The following KCNH7 variants were observed in gnomAD, a reference collection of about 807,000 sequenced individuals.
KCNH7 encodes voltage-gated inwardly rectifying potassium channel KCNH7.
Under a neutral mutation model 120.8 loss-of-function variants are expected in KCNH7, and 49 were observed. The ratio of observed to expected loss-of-function variants is 0.41; its 90% confidence interval spans 0.32 to 0.51. The LOEUF is 0.51. Among genes scored for constraint, KCNH7 ranks in the 20% least tolerant of loss-of-function variants. KCNH7 has a pLI of 0.38. For synonymous variants in KCNH7, 547 were observed against 516.1 expected, an observed-to-expected ratio of 1.06 and a Z score of -0.81; for missense variants, 1,097 against 1,446.6, an observed-to-expected ratio of 0.76 and a Z score of 3.92.
At chr2:162,559,124 T>C (rs1692971639) in intron 2 of KCNH7, among the ~76,000 whole-genome samples, 1 of 149,434 alleles carries the variant, frequency 6.7e-6, no homozygotes, top group Non-Finnish European at 1.5e-5. Context: ...TGAAAGAGTA[T>C]GGAGTAAGTT....
intron 2 of KCNH7, among the ~76,000 whole-genome samples, chr2:162,688,085 T>C (rs566290007): frequency 1.1e-3 from 173 of 152,316 alleles, no homozygotes; most frequent in Middle Eastern, 6.8e-3. Context: ...CAGTCTATTT[T>C]ATTGCATGAG....
intron 6 of KCNH7, 29 bp from the exon 7 acceptor site, chr2:162,446,472 A>G (rs1375904122): frequency 1.4e-5 from 21 of 1,518,424 alleles, no homozygotes. Flanking sequence ...ATCATACACT[A>G]CATAAATATG....
intron 2 of KCNH7, chr2:162,785,167 A>T (rs184295955): frequency 3.3e-5 from 5 of 152,336 alleles, no homozygotes; most frequent in Admixed American, 1.3e-4. Flanking sequence ...ATAGGTCCGT[A>T]CTATTTCCAA....
chr2:162,535,732 C>A (rs929130937), intron 3 of KCNH7, among the ~76,000 whole-genome samples: 1 of 151,560 alleles, frequency 6.6e-6, no homozygotes, highest in Non-Finnish European at 1.5e-5. Flanking sequence ...ATAACCTCAA[C>A]CTTCTGAAAA....
rs2105471621 is a variant in KCNH7 at position 162,770,925 on chromosome 2, T to A, written c.307+65612A>T. ...ACTGTCATACTTTTGGTAAAGGCAT[T>A]ACCTTTCTTCTAGTTTCTATGGTCT... is the stretch of plus-strand genomic sequence containing the variant. On this transcript the variant is annotated intron_variant, in intron 2 of 15. Transcript: ENST00000332142. 4.6e-5 allele frequency among the ~76,000 whole-genome samples: 7 copies of A among 152,244 alleles called. 1 individual carries two copies. In the Middle Eastern group the frequency reaches 0.024, roughly 518 times the overall value.
rs1558916479 is a variant in KCNH7, at chr2:162,379,875, G to C, written c.3109C>G (p.Leu1037Val). 6.2e-7 allele frequency: 1 copy of C among 1,613,982 alleles called. No homozygotes were observed. Among genetic ancestry groups the C allele is most frequent in the Admixed American group, 1.7e-5 (1 of 60,004 alleles). The change falls in exon 14 of 16, where the codon CTG (leucine) becomes GTG (valine). Residue 1037 changes from leucine (L) to valine (V), a missense_variant. By Grantham distance (32) the Leu-to-Val change is conservative (BLOSUM62 1). Transcript: ENST00000332142. ...TYGEVEQRLD[L>V]LQEQLNRLES... ...TACCTGTTAAGTTGCTCCTGGAGCAGATCTAATCTTTGTTCCACTTCCCCG... is the reference window on the plus strand; with the variant it reads ...TACCTGTTAAGTTGCTCCTGGAGCACATCTAATCTTTGTTCCACTTCCCCG...
At chr2:162,586,003 TAA>T (rs1224807721) in intron 2 of KCNH7, among the ~76,000 whole-genome samples, 2 of 152,096 alleles carry the variant, frequency 1.3e-5, no homozygotes, top group Non-Finnish European at 2.9e-5. Context: ...TTAAAAAAAT[TAA>T]ATTTTCTGAT....
chr2:162,754,917 C>G (rs367688441), intron 2 of KCNH7, among the ~76,000 whole-genome samples: 96 of 152,148 alleles, frequency 6.3e-4, no homozygotes, highest in Non-Finnish European at 9.6e-4. Context: ...AATAAATATA[C>G]GAATTTACTG....
chr2:162,619,950 G>A (rs1683287093), intron 2 of KCNH7, among the ~76,000 whole-genome samples: 1 of 151,780 alleles, frequency 6.6e-6, no homozygotes, highest in South Asian at 2.1e-4. Flanking sequence ...TTTACAACCT[G>A]TTCTAAGGAA....
intron 2 of KCNH7, among the ~76,000 whole-genome samples, chr2:162,750,716 C>T (rs1688509159): frequency 6.6e-6 from 1 of 151,934 alleles, no homozygotes; most frequent in Non-Finnish European, 1.5e-5. Flanking sequence ...ATTTAATTTT[C>T]AAAAGTATTT....
At chr2:162,627,084 G>A (rs571336380) in intron 2 of KCNH7, among the ~76,000 whole-genome samples, 4 of 152,274 alleles carry the variant, frequency 2.6e-5, no homozygotes, top group Admixed American at 1.3e-4. Context: ...TCTGCCATGT[G>A]GATTACATCT....
chr2:162,487,628 T>C (rs888692724), intron 6 of KCNH7, among the ~76,000 whole-genome samples: 9 of 152,210 alleles, frequency 5.9e-5, no homozygotes, highest in Non-Finnish European at 1.3e-4. Context: ...TTAGAAACAA[T>C]TGAGTTCTAG....
At chr2:162,765,681 G>A (rs1682774908) in intron 2 of KCNH7, among the ~76,000 whole-genome samples, 1 of 152,172 alleles carries the variant, frequency 6.6e-6, no homozygotes, top group Non-Finnish European at 1.5e-5. Context: ...AATACATAGT[G>A]AAGAATGAAT....
At chr2:162,820,254 T>TGTGTGTGTGTG (rs59154139) in intron 2 of KCNH7, among the ~76,000 whole-genome samples, 140 of 147,578 alleles carry the variant, frequency 9.5e-4, no homozygotes, top group Middle Eastern at 3.4e-3. Context: ...TGTGTGTGTG[T>TGTGTGTGTGTG]TTAGTAGAGA....
At chr2:162,393,882 A>C (rs144984101) in intron 12 of KCNH7, among the ~76,000 whole-genome samples, 8 of 152,096 alleles carry the variant, frequency 5.3e-5, no homozygotes, top group African/African-American at 1.4e-4. Flanking sequence ...CTGCTCGAAA[A>C]TGTGAAATGT....
rs534666698 is a variant in KCNH7 at position 162,454,927 on chromosome 2, A to C, written c.1129-8484T>G. Among the ~76,000 whole-genome samples, 9 of 152,060 alleles carry C rather than the reference A, an allele frequency of 5.9e-5. No homozygotes were observed. The South Asian group carries it at 1.5e-3, about 25-fold the overall frequency. On this transcript the variant is annotated intron_variant, in intron 6 of 15. Coordinates refer to ENST00000332142, the MANE Select transcript of KCNH7 (RefSeq NM_033272.4). ...CTCTATTCCTATTTGAATACGCTTT[A>C]TTTCTTTCTCTTGCCTGATTGCCCT...
At chr2:162,724,058 A>G (rs1195572383) in intron 2 of KCNH7, among the ~76,000 whole-genome samples, 1 of 151,448 alleles carries the variant, frequency 6.6e-6, no homozygotes, top group African/African-American at 2.5e-5. Flanking sequence ...GTAACAGGTA[A>G]TAATGAGGTA....
At chr2:162,630,682 G>T (rs1051009476) in intron 2 of KCNH7, among the ~76,000 whole-genome samples, 1 of 152,030 alleles carries the variant, frequency 6.6e-6, no homozygotes, top group African/African-American at 2.4e-5. Context: ...AGTAAAAGCA[G>T]TGATTAAACA....
intron 2 of KCNH7, among the ~76,000 whole-genome samples, chr2:162,725,046 C>T (rs959694848): frequency 2.0e-5 from 3 of 152,110 alleles, no homozygotes; most frequent in Admixed American, 6.5e-5. Context: ...AAAGAAAGTT[C>T]GTAAGTCAAA....
Sources: gnomAD v4.1 joint callset for allele counts (sites outside exome capture counted in the v4.1 genomes callset) on GRCh38, gnomAD v4.1.1 for gene constraint, MANE v1.5 for transcripts, NCBI Gene and HGNC (gene_info 2026-07-23, HGNC 2026-07-21) for gene names.